Variants in CASP5 observed in about 807,000 individuals in gnomAD.
CASP5 encodes the protein caspase 5, also known as caspase-5.
CASP5 carries 42 observed loss-of-function variants against 45.2 expected under a neutral mutation model. The observed-to-expected ratio is 0.93, with a 90% CI of 0.73 to 1.20. The LOEUF is 1.20. Among genes scored for constraint, CASP5 ranks in the 50% most tolerant of loss-of-function variants. The pLI, the probability that CASP5 is intolerant of heterozygous loss-of-function variation, is 0.00. For missense variants in CASP5, 512 were observed against 532.2 expected (o/e 0.96, Z 0.37); for synonymous variants, 209 against 186.2 (o/e 1.12, Z -1.00).
At position 104,998,863 on chromosome 11, in the gene CASP5, A is replaced by G. The variant is rs770437474; in HGVS notation, c.1096+22T>C. On this transcript the variant is annotated intron_variant, in intron 7 of 9. Coordinates refer to ENST00000260315, the MANE Select transcript of CASP5 (RefSeq NM_004347.5). ...TGGCCTCAGCACCCCCAAATTTTTG[A>G]CTGTTACTAAAAGACACATACGTGG... The G allele has an allele frequency of 1.9e-6, 3 of 1,605,886 alleles. No homozygotes were observed. In the South Asian group the frequency reaches 3.4e-5, roughly 18 times the overall value.
At chr11:105,009,007 A>C in intron 1 of CASP5, 27 bp from the exon 2 acceptor site, 1 of 1,605,984 alleles carries the variant, frequency 6.2e-7, no homozygotes, top group Admixed American at 1.7e-5. Context: ...GACTCCTTCA[A>C]CTCTGGGCAC....
In CASP5 at chr11:105,020,890, A is replaced by G. The variant is rs552599254; in HGVS notation, c.7+2240T>C. ...AAAAGAACAAAGCTGGAGGCATCAC[A>G]CTACCTGACTTCAAACTATACTACA... On this transcript the variant is annotated intron_variant, in intron 1 of 9. Coordinates refer to ENST00000260315, the MANE Select transcript of CASP5 (RefSeq NM_004347.5). Among the ~76,000 whole-genome samples, 475 of 152,156 alleles carry G rather than the reference A, an allele frequency of 3.1e-3. 3 individuals are homozygous for G. The highest frequency in any genetic ancestry group is 0.011 in the African/African-American group (454 of 41,526).
chr11:105,009,896 T>TACAC (rs1320110038), intron 1 of CASP5, among the ~76,000 whole-genome samples: 6 of 132,650 alleles, frequency 4.5e-5, no homozygotes, highest in African/African-American at 1.6e-4. Context: ...TACACATATA[T>TACAC]ACATATATAT....
chr11:105,002,852 A>G (rs1861809082), intron 4 of CASP5, among the ~76,000 whole-genome samples: 1 of 152,168 alleles, frequency 6.6e-6, no homozygotes, highest in Non-Finnish European at 1.5e-5. Flanking sequence ...GAAAGCATCT[A>G]TCATAAAGGT....
intron 1 of CASP5, among the ~76,000 whole-genome samples, chr11:105,018,274 T>C (rs1862743446): frequency 6.7e-6 from 1 of 149,922 alleles, no homozygotes; most frequent in Admixed American, 6.6e-5. Context: ...CCAGCTAACA[T>C]CATAATGACA....
intron 1 of CASP5, among the ~76,000 whole-genome samples, chr11:105,019,842 A>C (rs1222545158): frequency 5.5e-5 from 8 of 145,342 alleles, no homozygotes; most frequent in Non-Finnish European, 1.1e-4. Flanking sequence ...AGCCGGGCAG[A>C]GACACAACCA....
At chr11:105,020,774 C>T (rs2134772047) in intron 1 of CASP5, among the ~76,000 whole-genome samples, 1 of 152,278 alleles carries the variant, frequency 6.6e-6, no homozygotes, top group South Asian at 2.1e-4. Flanking sequence ...CATCAAGCTA[C>T]CAATGACTTT....
intron 1 of CASP5, among the ~76,000 whole-genome samples, chr11:105,018,145 T>C (rs1862735641): frequency 6.6e-6 from 1 of 150,570 alleles, no homozygotes. Context: ...CTAAAAGAGC[T>C]CCTGAAGGAA....
In CASP5 at chr11:105,000,449, T is replaced by G; in HGVS notation, c.764A>C (p.Lys255Thr). ...LRAFAARPEHKSSDSTFLVLM... is the reference protein window; with the variant it reads ...LRAFAARPEHTSSDSTFLVLM... ...TACCAAGAACGTGCTGTCAGAGGAC[T>G]TGTGCTCTGGTCTGGCAGCAAATGC... The change falls in exon 6 of 10, where the codon AAG becomes ACG. Residue 255 changes from lysine to threonine, a missense_variant. Transcript: ENST00000260315. The G allele has an allele frequency of 6.2e-7, 1 of 1,614,194 alleles. No individual in the cohort carries two copies. The highest frequency in any genetic ancestry group is 8.5e-7 in the Non-Finnish European group (1 of 1,180,014).
chr11:105,007,096 G>A lies in CASP5; in HGVS notation c.420C>T (p.Ile140=). 1 of 1,611,720 alleles carries A rather than the reference G, an allele frequency of 6.2e-7. No homozygotes were observed. Among genetic ancestry groups the A allele is most frequent in the East Asian group, 2.2e-5 (1 of 44,854 alleles). Residue 140 remains isoleucine (I), a synonymous_variant, in exon 3 of 10, where the codon ATC becomes ATT. Transcript: ENST00000260315. ...ATGCAACCTTACGTTTTACACTGGTGATCTTTTGGTCCATATTGAGAAGTG... is the reference window on the plus strand; with the variant it reads ...ATGCAACCTTACGTTTTACACTGGTAATCTTTTGGTCCATATTGAGAAGTG... ...TQTLLNMDQK[I]TSVKPLLQIE...
At chr11:105,003,879 CATAAT>C (rs1861875498) in intron 3 of CASP5, among the ~76,000 whole-genome samples, 1 of 150,386 alleles carries the variant, frequency 6.6e-6, no homozygotes, top group Non-Finnish European at 1.5e-5. Context: ...ATTTATTTAA[CATAAT>C]ATATTCAAAA....
Position 104,995,807 on chromosome 11 carries a change from G to A in CASP5, c.1242C>T (p.Ala414=). The A allele has an allele frequency of 5.0e-6, 8 of 1,611,748 alleles. No homozygotes were observed. The highest frequency in any genetic ancestry group is 6.8e-6 in the Non-Finnish European group (8 of 1,178,404). The part of the protein sequence containing the change: ...QKSFEVPQAK[A]QMPTIERATL... ...TTGCTCGTTCTATGGTGGGCATCTG[G>A]GCTTTAGCCTGTGGAACTTCAAATG... The change falls in exon 9 of 10, where the codon GCC becomes GCT. Residue 414 remains alanine (A), a synonymous_variant. Coordinates refer to ENST00000260315, the MANE Select transcript of CASP5 (RefSeq NM_004347.5).
At chr11:105,002,593 A>G (rs1216309232) in intron 4 of CASP5, among the ~76,000 whole-genome samples, 1 of 152,210 alleles carries the variant, frequency 6.6e-6, no homozygotes, top group African/African-American at 2.4e-5. Flanking sequence ...TAAAAACATA[A>G]ACTTACAATG....
rs1377661152 is a variant in CASP5, at chr11:105,002,054, CCA to C, written c.689_690del (p.Val230GlyfsTer2). 3.7e-6 allele frequency: 6 copies of C among 1,614,076 alleles called. No homozygotes were observed. The South Asian group carries it at 6.6e-5, about 18-fold the overall frequency. ...CTGGCTGTGAGATTCTTTTCGTCAA[CCA>C]CAGTGTAGCCCAGGCCTTGAAGCAG... ...KRLLQGLGYT[V>X]VDEKNLTARD... On this transcript the variant is annotated frameshift_variant, in exon 5 of 10. Transcript: ENST00000260315. LOFTEE classifies it high-confidence loss of function.
intron 6 of CASP5, 150 bp downstream of exon 6, chr11:105,000,111 A>T: frequency 1.3e-6 from 1 of 784,488 alleles, no homozygotes; most frequent in Non-Finnish European, 2.1e-6. Context: ...TTCTCATTAT[A>T]TCAGCCCCTT....
intron 1 of CASP5, among the ~76,000 whole-genome samples, chr11:105,009,792 CGTAT>C (rs1862214481): frequency 1.1e-5 from 1 of 88,712 alleles, no homozygotes; most frequent in Non-Finnish European, 2.2e-5. Context: ...TATATACACA[CGTAT>C]ATATATATAT....
intron 1 of CASP5, among the ~76,000 whole-genome samples, chr11:105,009,712 T>TAC (rs1420509724): frequency 8.2e-5 from 5 of 61,326 alleles, no homozygotes; most frequent in African/African-American, 2.8e-4. Flanking sequence ...GAGATATATA[T>TAC]ATACACACAT....
In CASP5 at chr11:105,009,814, CATATATATAT is replaced by C. The variant is rs1207954162; in HGVS notation, c.8-844_8-835del. On this transcript the variant is annotated intron_variant, in intron 1 of 9. Transcript: ENST00000260315. ...ACACGTATATATATATATACACACA[CATATATATAT>C]ACACATATATATATACACATATATA... Among the ~76,000 whole-genome samples, 28 of 92,174 alleles carry C rather than the reference CATATATATAT, an allele frequency of 3.0e-4. 1 individual carries two copies. The highest frequency in any genetic ancestry group is 1.5e-3 in the African/African-American group (25 of 16,786). 60.5% of individuals were successfully genotyped at this position (92,174 alleles called of 152,430 possible). A position where few individuals can be genotyped will look rare whatever the true frequency, so the allele number is the denominator to read the frequency against.
intron 2 of CASP5, 139 bp from the exon 3 acceptor site, chr11:105,007,473 CT>C: frequency 9.8e-6 from 8 of 816,784 alleles, no homozygotes; most frequent in Non-Finnish European, 1.5e-5. Context: ...TAACACACAT[CT>C]TTTTTTGCAA....
Sources: gnomAD v4.1 joint callset for allele counts (sites outside exome capture counted in the v4.1 genomes callset) on GRCh38, gnomAD v4.1.1 for gene constraint, MANE v1.5 for transcripts, NCBI Gene and HGNC (gene_info 2026-07-23, HGNC 2026-07-21) for gene names.